The following ACSS3 variants were observed in gnomAD, a reference collection of about 807,000 sequenced individuals.
ACSS3 encodes acyl-CoA synthetase short-chain family member 3, mitochondrial.
ACSS3 carries 64 observed loss-of-function variants against 84.2 expected under a neutral mutation model. The ratio of observed to expected loss-of-function variants is 0.76; its 90% CI spans 0.62 to 0.94. The LOEUF is 0.94. ACSS3 is among the 40% of genes least tolerant of loss of function. ACSS3 has a pLI of 0.00. For synonymous variants in ACSS3, 317 were observed against 310.1 expected (o/e 1.02, Z -0.23); for missense variants, 815 against 867.6 (o/e 0.94, Z 0.76).
chr12:81,224,808 G>A (rs1244328591), intron 11 of ACSS3, among the ~76,000 whole-genome samples: 1 of 151,840 alleles, frequency 6.6e-6, no homozygotes, highest in Non-Finnish European at 1.5e-5. Context: ...TTTGTCCAGT[G>A]CATCCATGTT....
chr12:81,108,991 G>T (rs889584226), intron 1 of ACSS3, among the ~76,000 whole-genome samples: 1 of 152,162 alleles, frequency 6.6e-6, no homozygotes, highest in Non-Finnish European at 1.5e-5. Flanking sequence ...TATTTTATAT[G>T]CATGTCCCTT....
chr12:81,181,186 C>A (rs1383511377), intron 8 of ACSS3, among the ~76,000 whole-genome samples: 1 of 152,142 alleles, frequency 6.6e-6, no homozygotes, highest in Non-Finnish European at 1.5e-5. Flanking sequence ...ACAGTAGGAT[C>A]TCTAAAGCCC....
intron 7 of ACSS3, among the ~76,000 whole-genome samples, chr12:81,152,737 G>A (rs187741258): frequency 6.6e-6 from 1 of 152,128 alleles, no homozygotes. Flanking sequence ...AGTCTTGGAG[G>A]GATAACTAAT....
intron 13 of ACSS3, among the ~76,000 whole-genome samples, chr12:81,250,585 T>A (rs924373319): frequency 6.6e-6 from 1 of 151,570 alleles, no homozygotes; most frequent in Non-Finnish European, 1.5e-5. Flanking sequence ...AGTGAAAGAG[T>A]GGCAGACTAG....
chr12:81,245,720 C>T (rs1261537653), intron 13 of ACSS3, among the ~76,000 whole-genome samples: 1 of 152,302 alleles, frequency 6.6e-6, no homozygotes, highest in East Asian at 1.9e-4. Flanking sequence ...TCTGCCTCTA[C>T]AGTTTTGGGG....
intron 13 of ACSS3, among the ~76,000 whole-genome samples, 187 bp from the exon 14 acceptor site, chr12:81,253,120 T>C (rs1449780163): frequency 6.6e-6 from 1 of 152,232 alleles, no homozygotes; most frequent in Non-Finnish European, 1.5e-5. Context: ...ACTTCACTAG[T>C]AATGATGTAA....
chr12:81,179,296 G>GAAAAAAAAAAAAAAAAAAAAAAAAAA (rs1269398997), intron 8 of ACSS3, among the ~76,000 whole-genome samples: 1 of 115,946 alleles, frequency 8.6e-6, no homozygotes, highest in Non-Finnish European at 1.7e-5. Context: ...AAAAGAAAAA[G>GAAAAAAAAAAAAAAAAAAAAAAAAAA]AAAAAAAAAA....
intron 2 of ACSS3, among the ~76,000 whole-genome samples, chr12:81,124,833 C>T (rs1884939499): frequency 2.6e-5 from 4 of 152,168 alleles, no homozygotes; most frequent in Non-Finnish European, 5.9e-5. Flanking sequence ...CTTTGGTCTC[C>T]TGGAGCCATT....
At chr12:81,089,263 C>T (rs1023265183) in intron 1 of ACSS3, among the ~76,000 whole-genome samples, 1 of 151,730 alleles carries the variant, frequency 6.6e-6, no homozygotes, top group Non-Finnish European at 1.5e-5. Context: ...CTTTTAAATA[C>T]GTTGATGTGT....
At chr12:81,080,493 A>T (rs1452696250) in intron 1 of ACSS3, among the ~76,000 whole-genome samples, 5 of 152,042 alleles carry the variant, frequency 3.3e-5, no homozygotes, top group Non-Finnish European at 7.4e-5. Flanking sequence ...CATGCCCAGA[A>T]AATCAAAGTG....
intron 4 of ACSS3, 34 bp from the exon 5 acceptor site, chr12:81,143,073 T>TTACA (rs1593121760): frequency 8.2e-6 from 13 of 1,589,252 alleles, no homozygotes; most frequent in Non-Finnish European, 1.0e-5. Context: ...AATCTCCTTA[T>TTACA]TACAGTACAT....
In ACSS3 at chr12:81,119,241, G is replaced by C. The variant is rs562262963; in HGVS notation, c.456+9537G>C. On this transcript the variant is annotated intron_variant, in intron 2 of 15. Coordinates refer to ENST00000548058, the MANE Select transcript of ACSS3 (RefSeq NM_024560.4). Reference sequence around the variant, plus strand: ...CACATGCTTCAAAGGGCAAAAAGGAGAACAAAGATCACATGCTTCTGAGGC... The same window carrying C: ...CACATGCTTCAAAGGGCAAAAAGGACAACAAAGATCACATGCTTCTGAGGC... Among the ~76,000 whole-genome samples the C allele has an allele frequency of 4.3e-4, 66 of 152,152 alleles. 2 individuals are homozygous for C. In the South Asian group the frequency reaches 0.013, roughly 31 times the overall value.
chr12:81,119,522 A>C (rs1336587461), intron 2 of ACSS3, among the ~76,000 whole-genome samples: 2 of 152,090 alleles, frequency 1.3e-5, no homozygotes, highest in Admixed American at 1.3e-4. Flanking sequence ...TCAACCACAT[A>C]AGACAGACAC....
chr12:81,216,015 C>T (rs999015755), intron 9 of ACSS3, among the ~76,000 whole-genome samples: 1 of 152,084 alleles, frequency 6.6e-6, no homozygotes, highest in Admixed American at 6.6e-5. Context: ...CATCCAGGAA[C>T]AGCAGACTGA....
At chr12:81,201,806 A>G (rs1204497964) in intron 9 of ACSS3, among the ~76,000 whole-genome samples, 1 of 152,212 alleles carries the variant, frequency 6.6e-6, no homozygotes, top group African/African-American at 2.4e-5. Context: ...ATATATTTGA[A>G]TGGGTAGATA....
At chr12:81,134,056 T>C (rs1436564922) in intron 2 of ACSS3, among the ~76,000 whole-genome samples, 1 of 151,230 alleles carries the variant, frequency 6.6e-6, no homozygotes, top group Non-Finnish European at 1.5e-5. Context: ...CATTTATATG[T>C]TGAGGTCTCA....
intron 9 of ACSS3, among the ~76,000 whole-genome samples, chr12:81,207,815 T>A (rs1189444356): frequency 6.6e-6 from 1 of 152,120 alleles, no homozygotes; most frequent in Non-Finnish European, 1.5e-5. Flanking sequence ...CATGCCTTCA[T>A]TAACTCAGTG....
intron 1 of ACSS3, chr12:81,094,424 G>T (rs577507815): frequency 6.6e-6 from 1 of 152,040 alleles, no homozygotes; most frequent in African/African-American, 2.4e-5. Context: ...TTTATCATAA[G>T]CAGTAAAACA....
intron 8 of ACSS3, among the ~76,000 whole-genome samples, chr12:81,196,654 A>C (rs1476631879): frequency 6.6e-6 from 1 of 152,050 alleles, no homozygotes; most frequent in Non-Finnish European, 1.5e-5. Context: ...ATTTCGGCTC[A>C]TGGGTCTGCA....
Sources: allele counts gnomAD v4.1 joint callset (sites outside exome capture counted in the v4.1 genomes callset), GRCh38; gene constraint gnomAD v4.1.1; transcripts MANE v1.5; gene names NCBI Gene and HGNC (gene_info 2026-07-23, HGNC 2026-07-21).